ZFHX4: variants seen among roughly 807,000 people sequenced by gnomAD.
ZFHX4 encodes the protein zinc finger homeobox protein 4.
A neutral mutation model predicts 267.6 loss-of-function variants in ZFHX4; 56 were observed. The observed-to-expected ratio is 0.21, with a 90% CI of 0.17 to 0.26. The LOEUF is 0.26. Among genes scored for constraint, ZFHX4 ranks in the 10% least tolerant of loss-of-function variants. The probability of loss-of-function intolerance (pLI) is 1.00; values close to 1 mark genes in which losing one functional copy is unlikely to be tolerated. For synonymous variants in ZFHX4, 1,778 were observed against 1,665.6 expected, an observed-to-expected ratio of 1.07 and a Z score of -1.64; for missense variants, 4,332 against 4,420.0, an observed-to-expected ratio of 0.98 and a Z score of 0.56.
intron 3 of ZFHX4, among the ~76,000 whole-genome samples, chr8:76,764,957 C>A (rs1810013878): frequency 6.6e-6 from 1 of 152,146 alleles, no homozygotes; most frequent in Non-Finnish European, 1.5e-5. Flanking sequence ...TCAAATACAA[C>A]CTGCTGAGAC....
intron 3 of ZFHX4, among the ~76,000 whole-genome samples, chr8:76,746,580 C>G (rs1809465382): frequency 1.3e-5 from 2 of 152,168 alleles, no homozygotes; most frequent in South Asian, 4.2e-4. Flanking sequence ...AAACTCTGGG[C>G]TATTCTATTT....
At chr8:76,753,076 A>G (rs546886691) in intron 3 of ZFHX4, among the ~76,000 whole-genome samples, 1 of 152,340 alleles carries the variant, frequency 6.6e-6, no homozygotes, top group African/African-American at 2.4e-5. Context: ...ATCGTTTTCA[A>G]TAAAAATGAT....
intron 3 of ZFHX4, among the ~76,000 whole-genome samples, chr8:76,763,845 C>A (rs1052805410): frequency 6.6e-6 from 1 of 152,074 alleles, no homozygotes; most frequent in African/African-American, 2.4e-5. Flanking sequence ...AATAATAATG[C>A]ATGTTGTAGA....
At chr8:76,771,930 G>A (rs531896375) in intron 3 of ZFHX4, among the ~76,000 whole-genome samples, 72 of 152,254 alleles carry the variant, frequency 4.7e-4, no homozygotes, top group Non-Finnish European at 8.7e-4. Context: ...GAGCCTCTGG[G>A]TGAATCTGAG....
intron 3 of ZFHX4, among the ~76,000 whole-genome samples, chr8:76,764,255 C>G (rs1809995129): frequency 6.6e-6 from 1 of 152,146 alleles, no homozygotes; most frequent in African/African-American, 2.4e-5. Context: ...ATTGAGATTA[C>G]TTTGTCTGGA....
Position 76,851,803 on chromosome 8 carries a change from C to T in ZFHX4, c.4882C>T (p.Pro1628Ser), listed in dbSNP as rs1222551948. ...AAAGGCTAGGGCTGCAAAGCTGGAGCCCAGTGGTCATGTGGCTGGTGGGCA... is the reference window on the plus strand; with the variant it reads ...AAAGGCTAGGGCTGCAAAGCTGGAGTCCAGTGGTCATGTGGCTGGTGGGCA... ...QTKARAAKLEPSGHVAGGHSI... is the reference protein window; with the variant it reads ...QTKARAAKLESSGHVAGGHSI... The change falls in exon 10 of 11, where the codon CCC becomes TCC. Residue 1628 changes from proline (P) to serine (S), a missense_variant. Pro to Ser is a moderately conservative substitution (Grantham distance 74). This residue lies in a region of ZFHX4 where 1,371 missense variants were observed against 1,423.1 expected (regional missense o/e 0.96). Coordinates refer to ENST00000651372, the MANE Select transcript of ZFHX4 (RefSeq NM_024721.5). 2 of 1,613,970 alleles carry T rather than the reference C, an allele frequency of 1.2e-6. No homozygotes were observed. Among genetic ancestry groups the T allele is most frequent in the East Asian group, 4.5e-5 (2 of 44,846 alleles).
At chr8:76,727,104 T>C (rs1276292388) in intron 3 of ZFHX4, among the ~76,000 whole-genome samples, 1 of 152,098 alleles carries the variant, frequency 6.6e-6, no homozygotes, top group Non-Finnish European at 1.5e-5. Flanking sequence ...CTTAGGCCTA[T>C]CCAAGGTCAA....
chr8:76,857,438 A>G (rs1177020447), intron 10 of ZFHX4, among the ~76,000 whole-genome samples: 4 of 151,446 alleles, frequency 2.6e-5, no homozygotes, highest in Non-Finnish European at 4.4e-5. Context: ...GAATTTTTAC[A>G]TGAATTTCAA....
At chr8:76,762,318 C>A (rs982522583) in intron 3 of ZFHX4, among the ~76,000 whole-genome samples, 1 of 151,996 alleles carries the variant, frequency 6.6e-6, no homozygotes, top group African/African-American at 2.4e-5. Flanking sequence ...CTAGCAACAA[C>A]ATAAATAGTG....
intron 4 of ZFHX4, among the ~76,000 whole-genome samples, chr8:76,806,362 T>A (rs1342642877): frequency 2.6e-5 from 4 of 151,914 alleles, no homozygotes; most frequent in Non-Finnish European, 4.4e-5. Context: ...AGACTCAGTG[T>A]CATTCTTACT....
intron 10 of ZFHX4, among the ~76,000 whole-genome samples, chr8:76,857,787 G>A (rs987569664): frequency 6.6e-6 from 1 of 150,736 alleles, no homozygotes; most frequent in African/African-American, 2.4e-5. Context: ...TGTTTTGGTT[G>A]TACATTTTAT....
At chr8:76,721,848 T>C (rs1194637550) in intron 3 of ZFHX4, among the ~76,000 whole-genome samples, 1 of 152,142 alleles carries the variant, frequency 6.6e-6, no homozygotes, top group East Asian at 1.9e-4. Flanking sequence ...ACCCATGTGA[T>C]GTTTGTGACC....
chr8:76,741,143 G>C (rs796827456), intron 3 of ZFHX4, among the ~76,000 whole-genome samples: 1 of 152,130 alleles, frequency 6.6e-6, no homozygotes, highest in Admixed American at 6.6e-5. Flanking sequence ...AACCTGCTAG[G>C]AGAAGATGAT....
chr8:76,689,446 C>A (rs1238117580), intron 1 of ZFHX4, among the ~76,000 whole-genome samples: 9 of 152,092 alleles, frequency 5.9e-5, no homozygotes, highest in Admixed American at 5.9e-4. Context: ...TATATGTGAA[C>A]AGATGGACAC....
chr8:76,778,490 A>G, intron 4 of ZFHX4, 51 bp downstream of exon 4: 5 of 1,365,476 alleles, frequency 3.7e-6, no homozygotes, highest in Non-Finnish European at 4.2e-6. Context: ...ACACCACTTC[A>G]TCACACACAC....
chr8:76,798,500 G>A (rs1188640462), intron 4 of ZFHX4, among the ~76,000 whole-genome samples: 2 of 152,172 alleles, frequency 1.3e-5, no homozygotes, highest in African/African-American at 4.8e-5. Context: ...GTACTGAATA[G>A]CTTGTGGATA....
chr8:76,740,434 T>C (rs1259741981), intron 3 of ZFHX4, among the ~76,000 whole-genome samples: 1 of 151,756 alleles, frequency 6.6e-6, no homozygotes, highest in East Asian at 1.9e-4. Flanking sequence ...ATCTCACAAA[T>C]CACCATTAAA....
At chr8:76,709,060 C>T (rs966969838) in intron 3 of ZFHX4, among the ~76,000 whole-genome samples, 1 of 152,140 alleles carries the variant, frequency 6.6e-6, no homozygotes, top group Admixed American at 6.5e-5. Context: ...TATCAGGAGT[C>T]AACCAGTGAT....
In ZFHX4 at chr8:76,855,430, T is replaced by C; in HGVS notation, c.8509T>C (p.Leu2837=). 1.2e-6 allele frequency: 2 copies of C among 1,613,312 alleles called. No homozygotes were observed. Among genetic ancestry groups the C allele is most frequent in the Non-Finnish European group, 1.7e-6 (2 of 1,179,798 alleles). ...AAGTTCCGGAGATGTGAAACCGGCT[T>C]TGTCTCCCAAAGAGCCAAAAACTCT... ...TGSSGDVKPA[L]SPKEPKTLDT... Residue 2837 remains leucine, a synonymous_variant, in exon 10 of 11, where the codon TTG becomes CTG. Transcript: ENST00000651372.
Sources: allele counts gnomAD v4.1 joint callset (sites outside exome capture counted in the v4.1 genomes callset), GRCh38; gene constraint gnomAD v4.1.1; regional missense constraint gnomAD v4.1.1; transcripts MANE v1.5; gene names NCBI Gene and HGNC (gene_info 2026-07-23, HGNC 2026-07-21).